Variants in CCDC136 observed in about 807,000 individuals in gnomAD.
CCDC136 encodes the protein coiled-coil domain containing 136, also known as coiled-coil domain-containing protein 136.
A neutral mutation model predicts 141.2 loss-of-function variants in CCDC136; 100 were observed. The ratio of observed to expected loss-of-function variants is 0.71; its 90% CI spans 0.60 to 0.84. The LOEUF (loss-of-function observed/expected upper bound fraction) is 0.84. Ranked by LOEUF, CCDC136 falls within the 40% of genes least tolerant of loss-of-function variation. The pLI is 0.00. For missense variants in CCDC136, 1,206 were observed against 1,379.4 expected, an observed-to-expected ratio of 0.87 and a Z score of 1.99; for synonymous variants, 474 against 531.9, an observed-to-expected ratio of 0.89 and a Z score of 1.50.
Position 128,811,906 on chromosome 7 carries a change from A to T in CCDC136, c.2135A>T (p.Glu712Val). 1 of 1,613,820 alleles carries T rather than the reference A, an allele frequency of 6.2e-7. No homozygotes were observed. The highest frequency in any genetic ancestry group is 8.5e-7 in the Non-Finnish European group (1 of 1,179,792). The change falls in exon 13 of 18, where the codon GAG becomes GTG. Residue 712 changes from glutamate (E) to valine (V), a missense_variant. Glu to Val is a moderately radical substitution (Grantham distance 121). Coordinates refer to ENST00000297788, the MANE Select transcript of CCDC136 (RefSeq NM_022742.5). The part of the protein sequence containing the change: ...LQQEQGRLLE[E>V]RKRLQADLQL... ...CAAGAGCAAGGGAGGCTCCTAGAGG[A>T]GCGGAAGAGGCTGCAGGCAGACTTG...
chr7:128,812,198 C>A lies in CCDC136; in HGVS notation c.2427C>A (p.Asn809Lys). ...GGAAGAGTTACTGCACTACCAGCAACAGCAGCATTACCTATAAGAAGAGTT... is the reference window on the plus strand; with the variant it reads ...GGAAGAGTTACTGCACTACCAGCAAAAGCAGCATTACCTATAAGAAGAGTT... ...AYGKSYCTTSNSSITYKKSYG... is the reference protein window; with the variant it reads ...AYGKSYCTTSKSSITYKKSYG... The change falls in exon 13 of 18, where the codon AAC becomes AAA. Residue 809 changes from asparagine to lysine, a missense_variant. Asn to Lys is a moderately conservative substitution (Grantham distance 94). Coordinates refer to ENST00000297788, the MANE Select transcript of CCDC136 (RefSeq NM_022742.5). The A allele has an allele frequency of 2.5e-6, 4 of 1,614,030 alleles. No homozygotes were observed. The highest frequency in any genetic ancestry group is 3.4e-6 in the Non-Finnish European group (4 of 1,179,898).
In CCDC136 at chr7:128,806,676, C is replaced by G. The variant is rs1489477384; in HGVS notation, c.1249-12C>G. On this transcript the variant is annotated splice_polypyrimidine_tract_variant and intron_variant, in intron 8 of 17. Transcript: ENST00000297788. ...AGCCCAAAGGCACTGCCCAAAGCCC[C>G]CTCTACCATAGGAGTTACTGTGCCG... The G allele has an allele frequency of 1.2e-6, 2 of 1,606,766 alleles. No homozygotes were observed. Among genetic ancestry groups the G allele is most frequent in the Non-Finnish European group, 8.5e-7 (1 of 1,177,444 alleles).
intron 16 of CCDC136, among the ~76,000 whole-genome samples, chr7:128,816,181 G>A (rs1038035232): frequency 7.2e-5 from 11 of 152,258 alleles, no homozygotes; most frequent in Non-Finnish European, 1.2e-4. Context: ...GGGAACCAGC[G>A]TGGGGTCTCT....
Position 128,794,144 on chromosome 7 carries a change from G to T in CCDC136, c.17-204G>T. ...TGCAACATTGGTCCAGGAAGGGCCT[G>T]GGAGGTGGAGGGGCTGCTTCTCAAC... On this transcript the variant is annotated intron_variant, in intron 1 of 17. Coordinates refer to ENST00000297788, the MANE Select transcript of CCDC136 (RefSeq NM_022742.5). This position sits in a 1 kb window ranked among gnomAD's most constrained non-coding sequence, Gnocchi z 4.3. 1 of 685,712 alleles carries T rather than the reference G, an allele frequency of 1.5e-6. No homozygotes were observed. The highest frequency in any genetic ancestry group is 2.6e-6 in the Non-Finnish European group (1 of 383,318). 42.5% of individuals were successfully genotyped at this position (685,712 alleles called of 1,614,324 possible). A position where few individuals can be genotyped will look rare whatever the true frequency, so the allele number is the denominator to read the frequency against.
chr7:128,796,124 C>T (rs747373224), intron 3 of CCDC136, among the ~76,000 whole-genome samples: 10 of 152,090 alleles, frequency 6.6e-5, no homozygotes, highest in Admixed American at 1.3e-4. Flanking sequence ...TACAGGCATG[C>T]GCCACCACAC....
Position 128,805,549 on chromosome 7 carries a change from C to T in CCDC136, c.948+25C>T, listed in dbSNP as rs752641533. ...GGTAGGGCACAGAGGGTGGGGAAGG[C>T]AGGCACATTTCTTGTCTTTCTTTCA... On this transcript the variant is annotated intron_variant, in intron 6 of 17. Coordinates refer to ENST00000297788, the MANE Select transcript of CCDC136 (RefSeq NM_022742.5). The surrounding 1 kb of genome is among the most constrained non-coding windows in gnomAD (Gnocchi z 4.6). 6.3e-7 allele frequency: 1 copy of T among 1,580,778 alleles called. No individual in the cohort carries two copies. The highest frequency in any genetic ancestry group is 8.6e-7 in the Non-Finnish European group (1 of 1,162,130).
rs755718746 is a variant in CCDC136 at position 128,812,729 on chromosome 7, A to G, written c.2563A>G (p.Lys855Glu). Residue 855 changes from lysine (K) to glutamate (E), a missense_variant, in exon 14 of 18, where the codon AAA becomes GAA. Coordinates refer to ENST00000297788, the MANE Select transcript of CCDC136 (RefSeq NM_022742.5). ...GCAGCGCTTTGAGGAAATGGTTGTG[A>G]AAGTGCTGATCAAGCTGCAGGCGGT... ...DMERFEEMVV[K>E]VLIKLQAVQA... 1 of 1,613,164 alleles carries G rather than the reference A, an allele frequency of 6.2e-7. No homozygotes were observed. The highest frequency in any genetic ancestry group is 2.2e-5 in the East Asian group (1 of 44,838).
intron 3 of CCDC136, among the ~76,000 whole-genome samples, chr7:128,796,992 C>T (rs1046380920): frequency 2.0e-5 from 3 of 151,768 alleles, no homozygotes; most frequent in Non-Finnish European, 4.4e-5. Flanking sequence ...CCGCCCGCCT[C>T]GGCCTCCCAA....
At chr7:128,804,785 G>A in intron 5 of CCDC136, 24 bp downstream of exon 5, 1 of 1,446,940 alleles carries the variant, frequency 6.9e-7, no homozygotes, top group Non-Finnish European at 9.6e-7. Context: ...TGGAGAGTGA[G>A]AGGTCATGGG....
intron 14 of CCDC136, 93 bp downstream of exon 14, chr7:128,813,022 G>A: frequency 3.6e-6 from 3 of 840,246 alleles, no homozygotes; most frequent in Non-Finnish European, 5.8e-6. Context: ...GAGGGACAAA[G>A]CAGGGAGAAT....
intron 3 of CCDC136, among the ~76,000 whole-genome samples, chr7:128,798,983 T>C (rs1043994647): frequency 6.6e-6 from 1 of 151,886 alleles, no homozygotes; most frequent in Non-Finnish European, 1.5e-5. Context: ...CATCTATCTA[T>C]GAAGCGTGTC....
At chr7:128,807,003 CG>C (rs1804962210) in intron 9 of CCDC136, 145 bp downstream of exon 9, 1 of 692,600 alleles carries the variant, frequency 1.4e-6, no homozygotes, top group East Asian at 3.0e-5. Context: ...AAGGTGACCT[CG>C]GGGAGTCACA....
intron 4 of CCDC136, 55 bp from the exon 5 acceptor site, chr7:128,804,595 T>A: frequency 1.9e-6 from 2 of 1,037,720 alleles, no homozygotes; most frequent in South Asian, 2.7e-5. Context: ...TGGGGGCTGG[T>A]CATCAGTGCT....
At chr7:128,791,429 C>T (rs968266225), upstream of CCDC136, 14 of 1,201,244 alleles carry the variant, frequency 1.2e-5, no homozygotes, top group South Asian at 8.2e-5. The surrounding 1 kb of genome is among the most constrained non-coding windows in gnomAD (Gnocchi z 7.1). Context: ...GCACCCGGCT[C>T]GGGTCCCCGG....
At chr7:128,806,168 C>A in intron 7 of CCDC136, 69 bp from the exon 8 acceptor site, 1 of 1,394,580 alleles carries the variant, frequency 7.2e-7, no homozygotes. Context: ...AAAAGGAACC[C>A]AACTGATCCG....
intron 3 of CCDC136, among the ~76,000 whole-genome samples, chr7:128,797,969 G>C (rs1353135105): frequency 2.0e-5 from 3 of 151,410 alleles, no homozygotes; most frequent in Admixed American, 1.3e-4. Context: ...CCAGGCTGGA[G>C]TGCAGTGGCG....
At chr7:128,814,014 G>A (rs1806182291) in intron 14 of CCDC136, among the ~76,000 whole-genome samples, 1 of 151,916 alleles carries the variant, frequency 6.6e-6, no homozygotes, top group South Asian at 2.1e-4. Context: ...AAATCCCTGA[G>A]GTTCAGAATT....
Position 128,805,257 on chromosome 7 carries a change from A to T in CCDC136, c.783-102A>T. On this transcript the variant is annotated intron_variant, in intron 5 of 17. Transcript: ENST00000297788. This position sits in a 1 kb window ranked among gnomAD's most constrained non-coding sequence, Gnocchi z 4.6. The stretch of plus-strand genomic sequence containing the variant: ...GGTGAGTCACAATAGAAGGCCCCTT[A>T]CTATCTTTGGCCTAAAATGAAGGTA... The T allele has an allele frequency of 1.1e-6, 1 of 950,766 alleles. No individual in the cohort carries two copies. The allele number at this position is 950,766 out of a possible 1,614,324, so 58.9% of individuals were successfully genotyped here.
chr7:128,818,930 G>A (rs1426344887), intron 17 of CCDC136, among the ~76,000 whole-genome samples: 2 of 152,124 alleles, frequency 1.3e-5, no homozygotes, highest in African/African-American at 2.4e-5. Flanking sequence ...GCACAGGGTG[G>A]CAACTGGAGG....
Sources: allele counts gnomAD v4.1 joint callset (sites outside exome capture counted in the v4.1 genomes callset), GRCh38; gene constraint gnomAD v4.1.1; non-coding constraint Gnocchi (gnomAD v3.1); transcripts MANE v1.5; gene names NCBI Gene and HGNC (gene_info 2026-07-23, HGNC 2026-07-21).